NDUFA10: variants seen among roughly 807,000 people sequenced by gnomAD.
NDUFA10 encodes the protein NADH dehydrogenase [ubiquinone] 1 alpha subcomplex subunit 10, mitochondrial.
NDUFA10 carries 40 observed loss-of-function variants against 47.8 expected under a neutral mutation model. The observed-to-expected ratio is 0.84, with a 90% CI of 0.65 to 1.09. The LOEUF (loss-of-function observed/expected upper bound fraction) is 1.09, where lower values mean the gene tolerates loss of function less well. Ranked by LOEUF, NDUFA10 falls within the 50% of genes least tolerant of loss-of-function variation. The pLI is 0.00. For missense variants in NDUFA10, 413 were observed against 451.1 expected (o/e 0.92, Z 0.76); for synonymous variants, 183 against 172.2 (o/e 1.06, Z -0.49).
At chr2:239,938,652 T>C (rs6437326) in intron 4 of NDUFA10, among the ~76,000 whole-genome samples, 56,296 of 152,056 alleles carry the variant, frequency 0.37, 10,606 homozygotes, top group East Asian at 0.47. Context: ...TCTCTGCCTT[T>C]GCATGAGCTG....
intron 9 of NDUFA10, among the ~76,000 whole-genome samples, chr2:239,961,590 C>G (rs1011986890): frequency 6.6e-6 from 1 of 152,204 alleles, no homozygotes; most frequent in Admixed American, 6.5e-5. Context: ...ACTGAAACAC[C>G]GAGTTCTCTC....
intron 4 of NDUFA10, among the ~76,000 whole-genome samples, chr2:239,916,663 A>G (rs11684674): frequency 0.18 from 27,305 of 152,280 alleles, 2,966 homozygotes; most frequent in African/African-American, 0.3. Flanking sequence ...GGGTCCAGGC[A>G]CCAGCAGGTT....
chr2:239,950,639 G>T (rs996986497), intron 4 of NDUFA10, among the ~76,000 whole-genome samples: 2 of 152,238 alleles, frequency 1.3e-5, no homozygotes, highest in Admixed American at 1.3e-4. Context: ...ACCAACTGCT[G>T]ATTGAGCGGC....
At chr2:239,954,360 C>T (rs776272764), downstream of NDUFA10, among the ~76,000 whole-genome samples, 3 of 152,266 alleles carry the variant, frequency 2.0e-5, no homozygotes, top group Non-Finnish European at 4.4e-5. Flanking sequence ...CGGGCTGTGA[C>T]CGCCTCAGGG....
At chr2:239,975,847 C>T (rs574161960) in intron 9 of NDUFA10, among the ~76,000 whole-genome samples, 1 of 152,292 alleles carries the variant, frequency 6.6e-6, no homozygotes, top group East Asian at 1.9e-4. Flanking sequence ...CTCCCTATTG[C>T]CAGCCACCCT....
chr2:239,913,004 G>A (rs1198966371), intron 4 of NDUFA10, among the ~76,000 whole-genome samples: 1 of 152,210 alleles, frequency 6.6e-6, no homozygotes, highest in Admixed American at 6.5e-5. Flanking sequence ...TGGAAAGCAA[G>A]TGGCAGGTGA....
intron 8 of NDUFA10, among the ~76,000 whole-genome samples, chr2:240,001,679 C>T (rs1195537951): frequency 6.6e-6 from 1 of 152,248 alleles, no homozygotes; most frequent in Non-Finnish European, 1.5e-5. Context: ...GTCTCCATCA[C>T]CTACGCATCC....
At position 239,957,617 on chromosome 2, in the gene NDUFA10, G is replaced by A. The variant is rs1694692646; in HGVS notation, c.*3501C>T. 1 of 152,214 alleles carries A rather than the reference G, an allele frequency of 6.6e-6. No individual in the cohort carries two copies. Among genetic ancestry groups the A allele is most frequent in the South Asian group, 2.1e-4 (1 of 4,826 alleles). The allele number at this position is 152,214 out of a possible 1,614,324, so 9.4% of individuals were successfully genotyped here. Reference sequence around the variant, plus strand: ...ACATGCTTAAAGATAAAATTTGACAGTTTCATTTGTCTTCCTATTAGAACC... The same window carrying A: ...ACATGCTTAAAGATAAAATTTGACAATTTCATTTGTCTTCCTATTAGAACC... On this transcript the variant is annotated 3_prime_UTR_variant, in exon 10 of 10. Coordinates refer to ENST00000252711, the MANE Select transcript of NDUFA10 (RefSeq NM_004544.4).
At chr2:239,913,346 C>T (rs894593749) in intron 4 of NDUFA10, among the ~76,000 whole-genome samples, 36 of 152,374 alleles carry the variant, frequency 2.4e-4, no homozygotes, top group African/African-American at 6.7e-4. Flanking sequence ...CCATCTTGTG[C>T]GGGCTCGTTG....
chr2:239,977,134 A>C (rs1158429459), intron 9 of NDUFA10, among the ~76,000 whole-genome samples: 2 of 152,148 alleles, frequency 1.3e-5, no homozygotes, highest in Non-Finnish European at 2.9e-5. Context: ...AGGGATAAGG[A>C]AACACAGACA....
At chr2:240,018,402 G>C in intron 4 of NDUFA10, 151 bp downstream of exon 4, 1 of 1,548,856 alleles carries the variant, frequency 6.5e-7, no homozygotes, top group Non-Finnish European at 8.7e-7. Flanking sequence ...TACTTAGGAA[G>C]TTCCTTTTTC....
intron 4 of NDUFA10, among the ~76,000 whole-genome samples, chr2:239,930,706 G>A (rs1424956135): frequency 1.3e-5 from 2 of 152,204 alleles, no homozygotes; most frequent in African/African-American, 4.8e-5. Flanking sequence ...CCGGACCAGA[G>A]GGCGTGCAGA....
At chr2:239,961,992 C>T (rs1461233371) in intron 9 of NDUFA10, among the ~76,000 whole-genome samples, 1 of 152,152 alleles carries the variant, frequency 6.6e-6, no homozygotes, top group Non-Finnish European at 1.5e-5. Flanking sequence ...TGGGGGGCAA[C>T]AAGAGCCCCT....
downstream of NDUFA10, among the ~76,000 whole-genome samples, chr2:239,952,721 A>C (rs1290164748): frequency 6.6e-6 from 1 of 152,118 alleles, no homozygotes; most frequent in African/African-American, 2.4e-5. Context: ...CACGGTGTGC[A>C]CCACATGGGG....
chr2:239,924,931 T>A (rs1368055527), intron 4 of NDUFA10, among the ~76,000 whole-genome samples: 1 of 152,008 alleles, frequency 6.6e-6, no homozygotes, highest in Non-Finnish European at 1.5e-5. Flanking sequence ...CCATAGAAAC[T>A]GAAATTAAAA....
intron 4 of NDUFA10, among the ~76,000 whole-genome samples, chr2:239,944,509 C>T (rs1029006351): frequency 2.0e-5 from 3 of 152,190 alleles, no homozygotes; most frequent in Admixed American, 6.5e-5. Context: ...ATTACCTTTC[C>T]ATGTGAATTC....
chr2:240,009,213 G>GC (rs1697052546), intron 6 of NDUFA10, among the ~76,000 whole-genome samples: 1 of 152,186 alleles, frequency 6.6e-6, no homozygotes, highest in Non-Finnish European at 1.5e-5. Context: ...TGTCAGGCTG[G>GC]TCACTCAGTG....
At chr2:239,980,444 T>G (rs1695726055) in intron 9 of NDUFA10, among the ~76,000 whole-genome samples, 1 of 152,200 alleles carries the variant, frequency 6.6e-6, no homozygotes, top group Non-Finnish European at 1.5e-5. Context: ...TTCCCTTCTG[T>G]GCCTTCGGGG....
Position 239,958,111 on chromosome 2 carries a change from G to A in NDUFA10, c.*3007C>T, listed in dbSNP as rs1694711278. 1 of 152,150 alleles carries A rather than the reference G, an allele frequency of 6.6e-6. No individual in the cohort carries two copies. Among genetic ancestry groups the A allele is most frequent in the Non-Finnish European group, 1.5e-5 (1 of 68,028 alleles). 9.4% of individuals were successfully genotyped at this position (152,150 alleles called of 1,614,324 possible). ...CACTCGGGCACCTGCTTCCATTCATGGAATTCTGGCCAGCCAGTGGCTGAT... is the reference window on the plus strand; with the variant it reads ...CACTCGGGCACCTGCTTCCATTCATAGAATTCTGGCCAGCCAGTGGCTGAT... On this transcript the variant is annotated 3_prime_UTR_variant, in exon 10 of 10. Coordinates refer to ENST00000252711, the MANE Select transcript of NDUFA10 (RefSeq NM_004544.4).
Sources: allele counts gnomAD v4.1 joint callset (sites outside exome capture counted in the v4.1 genomes callset), GRCh38; gene constraint gnomAD v4.1.1; transcripts MANE v1.5; gene names NCBI Gene and HGNC (gene_info 2026-07-23, HGNC 2026-07-21).